Variants in MANBAL observed in about 807,000 individuals in gnomAD.
MANBAL encodes mannosidase beta like.
A neutral mutation model predicts 6.4 loss-of-function variants in MANBAL; 1 was observed. The observed-to-expected ratio is 0.16, with a 90% CI of 0.06 to 0.74. The LOEUF (loss-of-function observed/expected upper bound fraction) is 0.74. Among genes scored for constraint, MANBAL ranks in the 30% least tolerant of loss-of-function variants. The pLI, the probability that MANBAL is intolerant of heterozygous loss-of-function variation, is 0.78. For missense variants in MANBAL, 100 were observed against 107.8 expected (o/e 0.93, Z 0.32); for synonymous variants, 47 against 45.8 (o/e 1.03, Z -0.10).
At chr20:37,290,858 C>T (rs1297924297) in intron 1 of MANBAL, among the ~76,000 whole-genome samples, 3 of 152,224 alleles carry the variant, frequency 2.0e-5, no homozygotes, top group East Asian at 3.8e-4. Context: ...ATCCTTCCTC[C>T]TGGACCTCCC....
chr20:37,296,441 GT>G (rs2068998938), intron 1 of MANBAL, among the ~76,000 whole-genome samples: 1 of 152,146 alleles, frequency 6.6e-6, no homozygotes, highest in African/African-American at 2.4e-5. Flanking sequence ...TCCAATCATA[GT>G]GTTTATACAA....
chr20:37,298,078 T>C (rs2069040276), intron 1 of MANBAL, among the ~76,000 whole-genome samples: 1 of 152,146 alleles, frequency 6.6e-6, no homozygotes, highest in Non-Finnish European at 1.5e-5. Flanking sequence ...CTCAACACTT[T>C]GGGAGGCTGA....
chr20:37,299,813 C>A (rs1046405920), intron 1 of MANBAL, among the ~76,000 whole-genome samples: 7 of 152,202 alleles, frequency 4.6e-5, no homozygotes, highest in Non-Finnish European at 8.8e-5. Context: ...TGGGAAAGGA[C>A]ATTCTTTGCA....
chr20:37,301,246 C>G lies in MANBAL; in HGVS notation c.-18C>G. Reference sequence around the variant, plus strand: ...GTGGTGAGTCAGAAGAGACGTCAGGCAGCAAGCGACTTGGGCCATGGCCTC... The same window carrying G: ...GTGGTGAGTCAGAAGAGACGTCAGGGAGCAAGCGACTTGGGCCATGGCCTC... On this transcript the variant is annotated 5_prime_UTR_variant, in exon 2 of 3. Coordinates refer to ENST00000373606, the MANE Select transcript of MANBAL (RefSeq NM_001003897.2). 5 of 1,575,786 alleles carry G rather than the reference C, an allele frequency of 3.2e-6. No homozygotes were observed. The East Asian group carries it at 1.1e-4, about 36-fold the overall frequency.
rs551454296 is a variant in MANBAL, at chr20:37,316,483, A to C, written c.*68A>C. The C allele has an allele frequency of 5.3e-4, 736 of 1,378,302 alleles. 9 individuals carry two copies. In the African/African-American group the frequency reaches 9.2e-3, roughly 17 times the overall value. 85.4% of individuals were successfully genotyped at this position (1,378,302 alleles called of 1,614,324 possible). A position where few individuals can be genotyped will look rare whatever the true frequency, so the allele number is the denominator to read the frequency against. ...GGGGACAGCCCTCCTGGGAATCTAC[A>C]TTGTGTTCCCCCGCATTCCAGGCTC... On this transcript the variant is annotated 3_prime_UTR_variant, in exon 3 of 3. Transcript: ENST00000373606.
chr20:37,309,890 T>C (rs1042999595), intron 2 of MANBAL, among the ~76,000 whole-genome samples: 1 of 152,148 alleles, frequency 6.6e-6, no homozygotes, highest in Non-Finnish European at 1.5e-5. Flanking sequence ...TTCTGCTCTG[T>C]GTGGTTTTAA....
intron 2 of MANBAL, among the ~76,000 whole-genome samples, chr20:37,308,098 G>T (rs1198583180): frequency 6.6e-6 from 1 of 152,160 alleles, no homozygotes; most frequent in Non-Finnish European, 1.5e-5. Context: ...GTGGTGAGAT[G>T]CAGCACAGCC....
At chr20:37,316,148 C>T (rs574827613) in intron 2 of MANBAL, among the ~76,000 whole-genome samples, 160 bp from the exon 3 acceptor site, 18 of 152,322 alleles carry the variant, frequency 1.2e-4, no homozygotes, top group East Asian at 9.6e-4. Context: ...CACGATGCTC[C>T]GGGGCAGTCC....
At chr20:37,303,312 G>A (rs969946613) in intron 2 of MANBAL, among the ~76,000 whole-genome samples, 1 of 152,226 alleles carries the variant, frequency 6.6e-6, no homozygotes, top group Admixed American at 6.5e-5. Context: ...AGAGGCTACA[G>A]TTGGGACATT....
intron 1 of MANBAL, among the ~76,000 whole-genome samples, chr20:37,299,216 T>C (rs1394273163): frequency 6.6e-6 from 1 of 151,962 alleles, no homozygotes; most frequent in African/African-American, 2.4e-5. Context: ...TAGCTGGGAA[T>C]ACAGGAGTGA....
At chr20:37,290,326 G>A (rs1234925573) in intron 1 of MANBAL, among the ~76,000 whole-genome samples, 1 of 152,170 alleles carries the variant, frequency 6.6e-6, no homozygotes, top group African/African-American at 2.4e-5. Context: ...TGCCCAGAGA[G>A]GTGGCTTAGC....
At chr20:37,303,055 G>A (rs117901396) in intron 2 of MANBAL, among the ~76,000 whole-genome samples, 2,220 of 152,264 alleles carry the variant, frequency 0.015, 25 homozygotes, top group Middle Eastern at 0.048. Context: ...TGGGACTACA[G>A]GTGTGCCACC....
chr20:37,303,617 C>T (rs1055039734), intron 2 of MANBAL, among the ~76,000 whole-genome samples: 4 of 152,190 alleles, frequency 2.6e-5, no homozygotes, highest in Admixed American at 1.3e-4. Context: ...CTAGGACTCT[C>T]AGCTGTGGCA....
At chr20:37,302,589 A>G (rs943740243) in intron 2 of MANBAL, among the ~76,000 whole-genome samples, 4 of 152,284 alleles carry the variant, frequency 2.6e-5, no homozygotes, top group South Asian at 4.1e-4. Context: ...TATCACTTGT[A>G]TGATTACTCT....
At chr20:37,289,980 G>A (rs2068827646) in intron 1 of MANBAL, among the ~76,000 whole-genome samples, 2 of 152,214 alleles carry the variant, frequency 1.3e-5, no homozygotes, top group Admixed American at 6.5e-5. Flanking sequence ...TTCCTCCCAC[G>A]GGTGGAGCAG....
intron 1 of MANBAL, among the ~76,000 whole-genome samples, chr20:37,290,596 T>G (rs1437337180): frequency 1.3e-5 from 2 of 152,116 alleles, no homozygotes; most frequent in Non-Finnish European, 2.9e-5. Flanking sequence ...ATAGCTGGGA[T>G]TACAGACGTG....
In MANBAL at chr20:37,316,530, G is replaced by A. The variant is rs553784756; in HGVS notation, c.*115G>A. On this transcript the variant is annotated 3_prime_UTR_variant, in exon 3 of 3. Coordinates refer to ENST00000373606, the MANE Select transcript of MANBAL (RefSeq NM_001003897.2). Reference sequence around the variant, plus strand: ...GCTCAGGGTCTGAGGAGGCTGTGACGCCCTATGACCGCAGAGATCTAGACA... The same window carrying A: ...GCTCAGGGTCTGAGGAGGCTGTGACACCCTATGACCGCAGAGATCTAGACA... 1.6e-3 allele frequency: 1,301 copies of A among 821,712 alleles called. 28 individuals are homozygous for A. The South Asian group carries it at 0.02, about 13-fold the overall frequency. 50.9% of individuals were successfully genotyped at this position (821,712 alleles called of 1,614,324 possible). A position where few individuals can be genotyped will look rare whatever the true frequency, so the allele number is the denominator to read the frequency against.
chr20:37,310,683 T>A (rs535735219), intron 2 of MANBAL, among the ~76,000 whole-genome samples: 1 of 152,230 alleles, frequency 6.6e-6, no homozygotes, highest in Non-Finnish European at 1.5e-5. Flanking sequence ...TTTTCTGGCC[T>A]GGTAAGCGCT....
intron 1 of MANBAL, chr20:37,296,922 CCTAT>C (rs2069010564): frequency 6.6e-6 from 1 of 152,118 alleles, no homozygotes. Context: ...CAACTCTTGC[CCTAT>C]CTTTCTATTG....
Sources: gnomAD v4.1 joint callset for allele counts (sites outside exome capture counted in the v4.1 genomes callset) on GRCh38, gnomAD v4.1.1 for gene constraint, MANE v1.5 for transcripts, NCBI Gene and HGNC (gene_info 2026-07-23, HGNC 2026-07-21) for gene names.